Variants in MTG1 observed in about 807,000 individuals in gnomAD.
The protein encoded by MTG1 is mitochondrial ribosome-associated GTPase 1.
A neutral mutation model predicts 39.5 loss-of-function variants in MTG1; 30 were observed. The observed-to-expected ratio is 0.76, with a 90% CI of 0.57 to 1.03. The LOEUF (loss-of-function observed/expected upper bound fraction) is 1.03. MTG1 is among the 50% of genes least tolerant of loss of function. The probability of loss-of-function intolerance (pLI) is 0.00; values close to 1 mark genes in which losing one functional copy is unlikely to be tolerated. For synonymous variants in MTG1, 217 were observed against 179.0 expected, an observed-to-expected ratio of 1.21 and a Z score of -1.69; for missense variants, 513 against 447.4, an observed-to-expected ratio of 1.15 and a Z score of -1.32.
rs1849892211 is a variant in MTG1, at chr10:133,402,258, TGGGGC to T, written c.670+14_670+18del. ...CTGGCCCTGTGTGGTGAGCCGGGGC[TGGGGC>T]TGGGGCTGGGGCTGGGACCGGGGCC... On this transcript the variant is annotated intron_variant, in intron 8 of 10. Coordinates refer to ENST00000317502, the MANE Select transcript of MTG1 (RefSeq NM_138384.4). This position sits in a 1 kb window ranked among gnomAD's most constrained non-coding sequence, Gnocchi z 4.7. 1 of 775,558 alleles carries T rather than the reference TGGGGC, an allele frequency of 1.3e-6. No individual in the cohort carries two copies. Among genetic ancestry groups the T allele is most frequent in the Non-Finnish European group, 1.7e-6 (1 of 598,094 alleles). 48.0% of individuals were successfully genotyped at this position (775,558 alleles called of 1,614,324 possible).
chr10:133,416,310 T>C (rs1307879118), intron 9 of MTG1, among the ~76,000 whole-genome samples: 2 of 151,900 alleles, frequency 1.3e-5, no homozygotes, highest in Admixed American at 6.5e-5. Flanking sequence ...TTGAGTTGAC[T>C]GATTTTTCTT....
At chr10:133,403,682 A>G (rs944169377) in intron 9 of MTG1, among the ~76,000 whole-genome samples, 1 of 152,164 alleles carries the variant, frequency 6.6e-6, no homozygotes, top group Admixed American at 6.5e-5. Context: ...GTTGATGGAT[A>G]TGTGGGTTGT....
intron 9 of MTG1, among the ~76,000 whole-genome samples, chr10:133,415,174 GACCGTGGAGAGGGAGAGGGAGCGGAGC>G (rs1850104475): frequency 6.6e-6 from 1 of 152,148 alleles, no homozygotes; most frequent in African/African-American, 2.4e-5. Flanking sequence ...GGGAGAGGGA[GACCGTGGAGAGGGAGAGGGAGCGGAGC>G]GGGAGCGGGA....
chr10:133,405,911 A>G (rs1849963422), intron 9 of MTG1, among the ~76,000 whole-genome samples: 1 of 152,226 alleles, frequency 6.6e-6, no homozygotes, highest in Non-Finnish European at 1.5e-5. Flanking sequence ...GAACCTCCAT[A>G]CTGTTTTCCA....
At chr10:133,398,136 G>C (rs372320875) in intron 3 of MTG1, among the ~76,000 whole-genome samples, 2 of 152,224 alleles carry the variant, frequency 1.3e-5, no homozygotes, top group African/African-American at 4.8e-5. Context: ...TGAAGGACTT[G>C]TTGATTTAAA....
At chr10:133,411,957 C>T (rs2133509442) in intron 9 of MTG1, among the ~76,000 whole-genome samples, 1 of 151,994 alleles carries the variant, frequency 6.6e-6, no homozygotes, top group Middle Eastern at 3.4e-3. Flanking sequence ...TGGCTCTTTG[C>T]TTTGTCTGTT....
At chr10:133,411,707 C>T (rs1313268574) in intron 9 of MTG1, among the ~76,000 whole-genome samples, 1 of 151,660 alleles carries the variant, frequency 6.6e-6, no homozygotes, top group Non-Finnish European at 1.5e-5. Flanking sequence ...TGATTTTTTC[C>T]TCTGCTTGGT....
At position 133,402,553 on chromosome 10, in the gene MTG1, G is replaced by C. The variant is rs974140736; in HGVS notation, c.671-139G>C. 1.2e-6 allele frequency: 1 copy of C among 815,066 alleles called. No homozygotes were observed. Among genetic ancestry groups the C allele is most frequent in the African/African-American group, 1.7e-5 (1 of 58,152 alleles). 50.5% of individuals were successfully genotyped at this position (815,066 alleles called of 1,614,324 possible). On this transcript the variant is annotated intron_variant, in intron 8 of 10. Transcript: ENST00000317502. The surrounding 1 kb of genome is among the most constrained non-coding windows in gnomAD (Gnocchi z 4.7). The stretch of plus-strand genomic sequence containing the variant: ...GACCACAGCCGAGTGCCGTCCTCTT[G>C]GTTAGTGTCTTTGTCAGTGGCTGGC...
chr10:133,402,537 C>T lies in MTG1; in HGVS notation c.671-155C>T, dbSNP rs546311715. The T allele has an allele frequency of 7.5e-5, 56 of 751,060 alleles. No homozygotes were observed. Among genetic ancestry groups the T allele is most frequent in the African/African-American group, 5.8e-4 (33 of 57,020 alleles). 46.5% of individuals were successfully genotyped at this position (751,060 alleles called of 1,614,324 possible). A position where few individuals can be genotyped will look rare whatever the true frequency, so the allele number is the denominator to read the frequency against. On this transcript the variant is annotated intron_variant, in intron 8 of 10. Transcript: ENST00000317502. This position sits in a 1 kb window ranked among gnomAD's most constrained non-coding sequence, Gnocchi z 4.7. ...CAGGAGTGGGGGCCGGGACCACAGCCGAGTGCCGTCCTCTTGGTTAGTGTC... is the reference window on the plus strand; with the variant it reads ...CAGGAGTGGGGGCCGGGACCACAGCTGAGTGCCGTCCTCTTGGTTAGTGTC...
Position 133,395,759 on chromosome 10 carries a change from C to A in MTG1, c.159C>A (p.Ile53=). 1 of 1,614,020 alleles carries A rather than the reference C, an allele frequency of 6.2e-7. No homozygotes were observed. ...GCCTGAAGCTGGTGGACTGTATCATCGAGGTCCACGATGCCCGGATATCCT... is the reference window on the plus strand; with the variant it reads ...GCCTGAAGCTGGTGGACTGTATCATAGAGGTCCACGATGCCCGGATATCCT... ...QSSLKLVDCI[I]EVHDARIPLS... Residue 53 remains isoleucine (I), a synonymous_variant, in exon 2 of 11, where the codon ATC becomes ATA. Transcript: ENST00000317502.
chr10:133,406,540 T>A (rs1333749959), intron 9 of MTG1, among the ~76,000 whole-genome samples: 1 of 152,194 alleles, frequency 6.6e-6, no homozygotes, highest in South Asian at 2.1e-4. Context: ...TATTATTATT[T>A]TTGCTTTTGT....
At chr10:133,417,979 C>G (rs987998447) in intron 9 of MTG1, among the ~76,000 whole-genome samples, 8 of 152,178 alleles carry the variant, frequency 5.3e-5, no homozygotes, top group East Asian at 1.9e-4. Flanking sequence ...AATGCCATCC[C>G]CATCAAGCTA....
At position 133,402,175 on chromosome 10, in the gene MTG1, G is replaced by A. The variant is rs751931263; in HGVS notation, c.600G>A (p.Leu200=). Residue 200 remains leucine, a synonymous_variant, in exon 8 of 11, where the codon CTG becomes CTA. Coordinates refer to ENST00000317502, the MANE Select transcript of MTG1 (RefSeq NM_138384.4). The surrounding 1 kb of genome is among the most constrained non-coding windows in gnomAD (Gnocchi z 4.7). ...TCTCTGAGCGGCCCCTGATGTTCCT[G>A]TTGGACACTCCTGGCGTGCTGGCTC... ...IQVSERPLMF[L]LDTPGVLAPR... is the part of the protein sequence containing the mutation. 64 of 1,613,768 alleles carry A rather than the reference G, an allele frequency of 4.0e-5. No individual in the cohort carries two copies. Among genetic ancestry groups the A allele is most frequent in the Middle Eastern group, 1.6e-4 (1 of 6,084 alleles).
At chr10:133,419,442 G>T (rs368280852) in intron 9 of MTG1, 38 bp from the exon 10 acceptor site, 5 of 1,544,448 alleles carry the variant, frequency 3.2e-6, no homozygotes, top group Non-Finnish European at 3.5e-6. Context: ...CGGTGTCAGT[G>T]CTGGGCCCCC....
chr10:133,421,077 G>A lies in MTG1; in HGVS notation c.*912G>A, dbSNP rs111906236. The A allele has an allele frequency of 7.5e-3, 1,147 of 152,428 alleles. 8 individuals carry two copies. The highest frequency in any genetic ancestry group is 0.044 in the Middle Eastern group (13 of 294). 9.4% of individuals were successfully genotyped at this position (152,428 alleles called of 1,614,324 possible). A position where few individuals can be genotyped will look rare whatever the true frequency, so the allele number is the denominator to read the frequency against. On this transcript the variant is annotated 3_prime_UTR_variant, in exon 11 of 11. Transcript: ENST00000317502. ...CAGGGACATCCTGTGCAGAAGCTCC[G>A]GCTGCCTCTTTGCGGTGGTGGCCTG...
At position 133,421,340 on chromosome 10, in the gene MTG1, G is replaced by A. The variant is rs1044177649; in HGVS notation, c.*1175G>A. The A allele has an allele frequency of 2.0e-5, 3 of 153,304 alleles. No homozygotes were observed. Among genetic ancestry groups the A allele is most frequent in the African/African-American group, 7.2e-5 (3 of 41,468 alleles). The allele number at this position is 153,304 out of a possible 1,614,324, so 9.5% of individuals were successfully genotyped here. A position where few individuals can be genotyped will look rare whatever the true frequency, so the allele number is the denominator to read the frequency against. On this transcript the variant is annotated 3_prime_UTR_variant, in exon 11 of 11. Transcript: ENST00000317502. ...AGATCACGAAGTGTCCATCATAACT[G>A]GAACATTCCATCAGCTTGCAGTGCT...
At chr10:133,404,957 G>T (rs1849948973) in intron 9 of MTG1, among the ~76,000 whole-genome samples, 1 of 152,142 alleles carries the variant, frequency 6.6e-6, no homozygotes, top group Non-Finnish European at 1.5e-5. Flanking sequence ...GGCAGTGCTG[G>T]TAGCCCCCAC....
Position 133,401,606 on chromosome 10 carries a change from G to A in MTG1, c.573+16G>A. 5 of 1,613,446 alleles carry A rather than the reference G, an allele frequency of 3.1e-6. No individual in the cohort carries two copies. Among genetic ancestry groups the A allele is most frequent in the Non-Finnish European group, 4.2e-6 (5 of 1,179,646 alleles). On this transcript the variant is annotated intron_variant, in intron 7 of 10. Transcript: ENST00000317502. ...CAAAATTCAGGTGGAGTCCTCAGGGGCCAGGCCCAGCACTCTGTCAAGAGC... is the reference window on the plus strand; with the variant it reads ...CAAAATTCAGGTGGAGTCCTCAGGGACCAGGCCCAGCACTCTGTCAAGAGC...
chr10:133,396,375 A>G, intron 3 of MTG1, 108 bp downstream of exon 3: 1 of 979,354 alleles, frequency 1.0e-6, no homozygotes, highest in Non-Finnish European at 1.6e-6. Context: ...TTGCCCAGGC[A>G]GGCTCTGCTT....
Sources: gnomAD v4.1 joint callset for allele counts (sites outside exome capture counted in the v4.1 genomes callset) on GRCh38, gnomAD v4.1.1 for gene constraint, Gnocchi (gnomAD v3.1) non-coding constraint, MANE v1.5 for transcripts, NCBI Gene and HGNC (gene_info 2026-07-23, HGNC 2026-07-21) for gene names.